Variants in KCTD1 observed in about 807,000 individuals in gnomAD.
KCTD1 encodes the protein BTB/POZ domain-containing protein KCTD1.
In KCTD1, 24 loss-of-function variants were observed where a neutral mutation model predicts 66.0. The observed-to-expected ratio is 0.36, with a 90% CI of 0.26 to 0.51. The LOEUF is 0.51. Ranked by LOEUF, KCTD1 falls within the 20% of genes least tolerant of loss-of-function variation. The pLI, the probability that KCTD1 is intolerant of heterozygous loss-of-function variation, is 0.95. For missense variants in KCTD1, 943 were observed against 1,205.2 expected, an observed-to-expected ratio of 0.78 and a Z score of 3.22; for synonymous variants, 511 against 517.2, an observed-to-expected ratio of 0.99 and a Z score of 0.16.
intron 4 of KCTD1, chr18:26,457,428 A>G (rs1163603434): frequency 1.3e-5 from 2 of 152,234 alleles, no homozygotes; most frequent in Admixed American, 6.5e-5. Context: ...AGCACCCTGG[A>G]AAAGATCCCT....
exon 1 of KCTD1, chr18:26,629,197 T>C: frequency 1.0e-6 from 1 of 985,418 alleles, no homozygotes; most frequent in Non-Finnish European, 1.2e-6. Flanking sequence ...TCCCAGTTGG[T>C]GTGCAGTGCA....
intron 1 of KCTD1, among the ~76,000 whole-genome samples, chr18:26,586,193 A>T (rs774208520): frequency 6.6e-6 from 1 of 152,212 alleles, no homozygotes; most frequent in African/African-American, 2.4e-5. Context: ...TCCCAACAGC[A>T]TGTGCTCACT....
At chr18:26,549,858 T>C (rs1985481061), upstream of KCTD1, 1 of 955,948 alleles carries the variant, frequency 1.0e-6, no homozygotes, top group Non-Finnish European at 1.2e-6. Flanking sequence ...TAGGAGACAC[T>C]GCCCCACTTC....
chr18:26,515,327 G>A (rs1172833984), intron 1 of KCTD1, among the ~76,000 whole-genome samples: 2 of 152,142 alleles, frequency 1.3e-5, no homozygotes, highest in African/African-American at 4.8e-5. Flanking sequence ...TTGCAAAGAA[G>A]GAACACACGG....
chr18:26,639,697 A>T (rs4800751), intron 1 of KCTD1, among the ~76,000 whole-genome samples: 16,186 of 152,060 alleles, frequency 0.11, 1,234 homozygotes, highest in East Asian at 0.29. Flanking sequence ...CGTTACAAAG[A>T]TTTGCTTTGT....
intron 1 of KCTD1, among the ~76,000 whole-genome samples, chr18:26,621,804 A>AT (rs1487662942): frequency 5.3e-5 from 8 of 152,158 alleles, no homozygotes; most frequent in African/African-American, 1.4e-4. Flanking sequence ...CAGAAAACAC[A>AT]TTTTTTGTTT....
intron 2 of KCTD1, among the ~76,000 whole-genome samples, chr18:26,478,268 A>AT (rs1460393228): frequency 1.3e-5 from 2 of 152,226 alleles, no homozygotes; most frequent in African/African-American, 4.8e-5. Context: ...CATTATCTTC[A>AT]TTTTAAAGAT....
chr18:26,500,605 G>A (rs1360154319), intron 2 of KCTD1, among the ~76,000 whole-genome samples: 1 of 151,828 alleles, frequency 6.6e-6, no homozygotes, highest in African/African-American at 2.4e-5. Context: ...TACTATTTTG[G>A]CTTCTTGGAC....
chr18:26,589,004 A>G (rs543230142), intron 1 of KCTD1, among the ~76,000 whole-genome samples: 3 of 151,974 alleles, frequency 2.0e-5, no homozygotes, highest in Non-Finnish European at 2.9e-5. Context: ...CCACTGATCT[A>G]ACTGCAAACA....
chr18:26,638,937 G>A (rs762795837), intron 1 of KCTD1, among the ~76,000 whole-genome samples: 3 of 152,136 alleles, frequency 2.0e-5, no homozygotes, highest in Non-Finnish European at 4.4e-5. Flanking sequence ...AACAGCCTCC[G>A]TTCCTTCTTT....
chr18:26,559,380 T>G (rs546543817), intron 1 of KCTD1, among the ~76,000 whole-genome samples: 3 of 152,314 alleles, frequency 2.0e-5, no homozygotes, highest in South Asian at 4.1e-4. Context: ...TACACACACC[T>G]ACTATGTACC....
intron 1 of KCTD1, among the ~76,000 whole-genome samples, chr18:26,636,790 G>A (rs1232087536): frequency 6.6e-6 from 1 of 152,202 alleles, no homozygotes; most frequent in Non-Finnish European, 1.5e-5. Flanking sequence ...GAAACCCAAA[G>A]TGTTCATAAA....
intron 1 of KCTD1, among the ~76,000 whole-genome samples, chr18:26,603,751 AAAAT>A (rs71266966): frequency 0.057 from 8,299 of 146,838 alleles, 333 homozygotes; most frequent in Non-Finnish European, 0.079. Context: ...TCAAAAAAAT[AAAAT>A]AAATAAATAA....
chr18:26,598,901 A>G (rs1414202179), intron 1 of KCTD1, among the ~76,000 whole-genome samples: 1 of 152,144 alleles, frequency 6.6e-6, no homozygotes, highest in Non-Finnish European at 1.5e-5. Flanking sequence ...CAAATCTTTT[A>G]TCAGATTATG....
At chr18:26,511,818 G>C (rs1343397065) in intron 1 of KCTD1, among the ~76,000 whole-genome samples, 1 of 152,118 alleles carries the variant, frequency 6.6e-6, no homozygotes, top group Non-Finnish European at 1.5e-5. Flanking sequence ...GTCTGTGTTT[G>C]GGGGTGAACA....
At chr18:26,610,247 T>C (rs1205461413) in intron 1 of KCTD1, among the ~76,000 whole-genome samples, 1 of 152,134 alleles carries the variant, frequency 6.6e-6, no homozygotes, top group South Asian at 2.1e-4. Flanking sequence ...TTTTTCCTTA[T>C]GAATAAACAA....
At chr18:26,618,191 T>C (rs1490982678) in intron 1 of KCTD1, among the ~76,000 whole-genome samples, 2 of 152,104 alleles carry the variant, frequency 1.3e-5, no homozygotes, top group Non-Finnish European at 2.9e-5. Context: ...ATCTGCTAAA[T>C]AGGCAAGACA....
intron 1 of KCTD1, among the ~76,000 whole-genome samples, chr18:26,623,253 C>G (rs1329708930): frequency 6.6e-6 from 1 of 152,222 alleles, no homozygotes; most frequent in Non-Finnish European, 1.5e-5. Flanking sequence ...TGCCATCACT[C>G]AGAATCTTCC....
At chr18:26,516,006 TA>T (rs1983637849) in intron 1 of KCTD1, among the ~76,000 whole-genome samples, 1 of 152,052 alleles carries the variant, frequency 6.6e-6, no homozygotes, top group Admixed American at 6.6e-5. Context: ...ACACAGCGGA[TA>T]AATGCAATTT....
Sources: allele counts gnomAD v4.1 joint callset (sites outside exome capture counted in the v4.1 genomes callset), GRCh38; gene constraint gnomAD v4.1.1; transcripts MANE v1.5; gene names NCBI Gene and HGNC (gene_info 2026-07-23, HGNC 2026-07-21).